The following LINGO2 variants were observed in gnomAD, a reference collection of about 807,000 sequenced individuals.
LINGO2 encodes the protein leucine-rich repeat and immunoglobulin-like domain-containing nogo receptor-interacting protein 2.
In LINGO2, 14 loss-of-function variants were observed where a neutral mutation model predicts 30.6. That is an observed-to-expected ratio of 0.46 (90% confidence interval 0.30 to 0.72). LINGO2 has a LOEUF of 0.72. LINGO2 is among the 30% of genes least tolerant of loss of function. The pLI, the probability that LINGO2 is intolerant of heterozygous loss-of-function variation, is 0.07. For missense variants in LINGO2, 729 were observed against 751.7 expected (o/e 0.97, Z 0.35); for synonymous variants, 317 against 288.5 (o/e 1.10, Z -1.00).
the LINGO2 span, among the ~76,000 whole-genome samples, chr9:29,186,171 G>C: frequency 2.8e-4 from 43 of 152,108 alleles, 1 homozygote; most frequent in African/African-American, 1.0e-3. Flanking sequence ...CACTTTTACA[G>C]ACTATTCTCA....
the LINGO2 span, among the ~76,000 whole-genome samples, chr9:28,732,903 T>C: frequency 6.6e-6 from 1 of 152,184 alleles, no homozygotes; most frequent in African/African-American, 2.4e-5. Context: ...CCTGGCCTGA[T>C]GCTATTTTGG....
At chr9:28,246,321 G>T (rs373378239) in intron 4 of LINGO2, among the ~76,000 whole-genome samples, 38 of 152,204 alleles carry the variant, frequency 2.5e-4, no homozygotes, top group East Asian at 1.2e-3. Context: ...CTACCTGGGA[G>T]GCTGAGGAAG....
intron 4 of LINGO2, among the ~76,000 whole-genome samples, chr9:28,137,634 A>T (rs1827555508): frequency 6.6e-6 from 1 of 152,070 alleles, no homozygotes; most frequent in Non-Finnish European, 1.5e-5. Flanking sequence ...TTTAACATGA[A>T]AAAGTGAATA....
At chr9:28,077,214 A>G (rs1293626673) in intron 4 of LINGO2, among the ~76,000 whole-genome samples, 1 of 152,210 alleles carries the variant, frequency 6.6e-6, no homozygotes, top group African/African-American at 2.4e-5. Context: ...ATGTGTTTCC[A>G]CTAAATGGTA....
In LINGO2 at chr9:28,500,059, C is replaced by T. The variant is rs540529370; in HGVS notation, c.-364-24034G>A. Reference sequence around the variant, plus strand: ...AGCAACCTCCGTCTCTAGTTCTCACCGCTCAGGAGTCATCTGCCCTTCTCC... The same window carrying T: ...AGCAACCTCCGTCTCTAGTTCTCACTGCTCAGGAGTCATCTGCCCTTCTCC... On this transcript the variant is annotated intron_variant, in intron 1 of 5. Coordinates refer to ENST00000379992, the Ensembl canonical transcript of LINGO2. Among the ~76,000 whole-genome samples, 17 of 152,236 alleles carry T rather than the reference C, an allele frequency of 1.1e-4. No homozygotes were observed. The South Asian group carries it at 1.7e-3, about 15-fold the overall frequency.
At chr9:28,195,863 G>A (rs1819992697) in intron 4 of LINGO2, among the ~76,000 whole-genome samples, 1 of 151,564 alleles carries the variant, frequency 6.6e-6, no homozygotes, top group Non-Finnish European at 1.5e-5. Context: ...TATAAACCAT[G>A]CTCATTTATT....
At chr9:29,144,101 G>A in the LINGO2 span, among the ~76,000 whole-genome samples, 10 of 152,020 alleles carry the variant, frequency 6.6e-5, no homozygotes, top group Admixed American at 2.0e-4. Flanking sequence ...TTACTTCCGG[G>A]CTCTTACTCT....
rs148615287 is a variant in LINGO2, at chr9:28,493,472, T to C, written c.-364-17447A>G. ...ATGATAATAAATCATTGGAGATATA[T>C]TGGTAAATGCAGTACCTACTCTCTA... is the stretch of plus-strand genomic sequence containing the variant. On this transcript the variant is annotated intron_variant, in intron 1 of 5. Coordinates refer to ENST00000379992, the Ensembl canonical transcript of LINGO2. Among the ~76,000 whole-genome samples, 7 of 152,282 alleles carry C rather than the reference T, an allele frequency of 4.6e-5. No individual in the cohort carries two copies. In the East Asian group the frequency reaches 1.3e-3, roughly 29 times the overall value.
At chr9:29,144,825 G>C in the LINGO2 span, among the ~76,000 whole-genome samples, 1 of 151,990 alleles carries the variant, frequency 6.6e-6, no homozygotes, top group East Asian at 1.9e-4. Flanking sequence ...TACTAAGAAG[G>C]GGAAATTAAA....
chr9:28,358,061 C>G (rs1289032943), intron 3 of LINGO2, among the ~76,000 whole-genome samples: 2 of 151,918 alleles, frequency 1.3e-5, no homozygotes, highest in African/African-American at 4.8e-5. Flanking sequence ...ATTCATTTTT[C>G]TCTCCATCTA....
At chr9:28,027,748 G>C (rs1823453564) in intron 4 of LINGO2, among the ~76,000 whole-genome samples, 1 of 152,194 alleles carries the variant, frequency 6.6e-6, no homozygotes, top group African/African-American at 2.4e-5. Context: ...AACACGTCAT[G>C]TCTGCTTAGT....
chr9:28,949,634 A>T, the LINGO2 span, among the ~76,000 whole-genome samples: 1 of 152,172 alleles, frequency 6.6e-6, no homozygotes, highest in Admixed American at 6.5e-5. Context: ...TATCAACCAA[A>T]AAAAGCCCAG....
At chr9:28,027,327 A>G (rs1587718669) in intron 4 of LINGO2, among the ~76,000 whole-genome samples, 3 of 152,178 alleles carry the variant, frequency 2.0e-5, no homozygotes, top group African/African-American at 7.2e-5. Context: ...TGGTTCAAGC[A>G]TGCATACTCT....
chr9:28,552,325 A>G (rs1360917464), intron 1 of LINGO2, among the ~76,000 whole-genome samples: 1 of 152,008 alleles, frequency 6.6e-6, no homozygotes, highest in Non-Finnish European at 1.5e-5. Flanking sequence ...AACATCTTCC[A>G]GTAACATTAA....
At chr9:28,497,756 T>C (rs1819700028) in intron 1 of LINGO2, among the ~76,000 whole-genome samples, 1 of 152,172 alleles carries the variant, frequency 6.6e-6, no homozygotes, top group Non-Finnish European at 1.5e-5. Context: ...AATTTTCAGC[T>C]TTTCTGCTCT....
At chr9:28,797,395 G>GAA in the LINGO2 span, among the ~76,000 whole-genome samples, 6 of 144,586 alleles carry the variant, frequency 4.1e-5, no homozygotes, top group Admixed American at 1.4e-4. Context: ...GAGAGAGAGA[G>GAA]AAAGCCTGCA....
the LINGO2 span, among the ~76,000 whole-genome samples, chr9:28,900,549 C>T: frequency 0.74 from 112,740 of 152,032 alleles, 41,937 homozygotes; most frequent in Non-Finnish European, 0.78. Flanking sequence ...TCTGCATACC[C>T]GGGTGCCAAG....
chr9:28,845,894 G>A, the LINGO2 span, among the ~76,000 whole-genome samples: 121 of 151,702 alleles, frequency 8.0e-4, 3 homozygotes, highest in East Asian at 6.6e-3. Context: ...TAAGTTCAGA[G>A]ACAATGTCCC....
chr9:28,120,920 C>T (rs1827077122), intron 4 of LINGO2, among the ~76,000 whole-genome samples: 1 of 152,116 alleles, frequency 6.6e-6, no homozygotes, highest in African/African-American at 2.4e-5. Flanking sequence ...ACAAAACTGC[C>T]TGGATTTAAA....
Sources: gnomAD v4.1 joint callset for allele counts (sites outside exome capture counted in the v4.1 genomes callset) on GRCh38, gnomAD v4.1.1 for gene constraint, MANE v1.5 for transcripts, NCBI Gene and HGNC (gene_info 2026-07-23, HGNC 2026-07-21) for gene names.